The following MYCBPAP variants were observed in gnomAD, a reference collection of about 807,000 sequenced individuals.
MYCBPAP encodes the protein MYCBP associated protein, also known as MYCBP-associated protein.
A neutral mutation model predicts 106.1 loss-of-function variants in MYCBPAP; 60 were observed. The observed-to-expected ratio is 0.57, with a 90% CI of 0.46 to 0.70. MYCBPAP has a LOEUF of 0.70. MYCBPAP is among the 30% of genes least tolerant of loss of function. The pLI is 0.00. For synonymous variants in MYCBPAP, 407 were observed against 440.6 expected, an observed-to-expected ratio of 0.92 and a Z score of 0.95; for missense variants, 1,064 against 1,169.3, an observed-to-expected ratio of 0.91 and a Z score of 1.31.
At position 50,522,035 on chromosome 17, in the gene MYCBPAP, G is replaced by T. The variant is rs920841730; in HGVS notation, c.1211G>T (p.Cys404Phe). Reference sequence around the variant, plus strand: ...ATTCTCGGCCCTTCTCTGCTGTTCTGTGGGAAGCCAGCTTGCTGGATCAGA... The same window carrying T: ...ATTCTCGGCCCTTCTCTGCTGTTCTTTGGGAAGCCAGCTTGCTGGATCAGA... ...MPILGPSLLF[C>F]GKPACWIRGS... The change falls in exon 10 of 19, where the codon TGT becomes TTT. Residue 404 changes from cysteine (C) to phenylalanine (F), a missense_variant. By Grantham distance (205) the Cys-to-Phe change is radical. Transcript: ENST00000323776. 2 of 1,613,934 alleles carry T rather than the reference G, an allele frequency of 1.2e-6. No individual in the cohort carries two copies. The highest frequency in any genetic ancestry group is 1.7e-6 in the Non-Finnish European group (2 of 1,179,946).
chr17:50,521,848 A>T (rs2034271147), intron 9 of MYCBPAP, 125 bp from the exon 10 acceptor site: 2 of 784,520 alleles, frequency 2.5e-6, no homozygotes, highest in Middle Eastern at 3.2e-4. Context: ...AGTGGAGTTG[A>T]TCATACTCCA....
At chr17:50,508,197 G>A (rs2033683612), upstream of MYCBPAP, 1 of 253,088 alleles carries the variant, frequency 4.0e-6, no homozygotes, top group Non-Finnish European at 7.5e-6. Flanking sequence ...ACAGGATGTG[G>A]CCTTAGTCGA....
In MYCBPAP at chr17:50,517,670, G is replaced by A; in HGVS notation, c.440G>A (p.Arg147Lys). Reference protein sequence around the residue: ...HILGSLQDFKRIALARGNTQL... With the variant: ...HILGSLQDFKKIALARGNTQL... ...TTGGGGAGTCTCCAGGATTTTAAGA[G>A]AATTGCACTTGCTCGAGGGAACACC... Residue 147 changes from arginine (R) to lysine (K), a missense_variant, in exon 4 of 19, where the codon AGA becomes AAA. Coordinates refer to ENST00000323776, the MANE Select transcript of MYCBPAP (RefSeq NM_032133.6). 1 of 1,614,192 alleles carries A rather than the reference G, an allele frequency of 6.2e-7. No individual in the cohort carries two copies. The highest frequency in any genetic ancestry group is 1.1e-5 in the South Asian group (1 of 91,086).
At chr17:50,530,886 T>C (rs1462524782) in intron 18 of MYCBPAP, among the ~76,000 whole-genome samples, 1 of 148,492 alleles carries the variant, frequency 6.7e-6, no homozygotes, top group Non-Finnish European at 1.5e-5. Context: ...CAGGGCCACC[T>C]CCCCAGACTG....
chr17:50,523,505 C>T, intron 11 of MYCBPAP, 92 bp from the exon 12 acceptor site: 1 of 1,364,634 alleles, frequency 7.3e-7, no homozygotes, highest in Non-Finnish European at 1.0e-6. Context: ...GCCACCTGGC[C>T]TGGGACTCAG....
chr17:50,511,551 A>G lies in MYCBPAP; in HGVS notation c.76+2801A>G, dbSNP rs556740726. ...TAGAGTCCGGGTTTCTTCTCCCTCC[A>G]TAGTTTCCCCGCTCCGTATCTCGCT... On this transcript the variant is annotated intron_variant, in intron 1 of 18. Transcript: ENST00000323776. 1.8e-4 allele frequency among the ~76,000 whole-genome samples: 27 copies of G among 152,336 alleles called. No homozygotes were observed. The East Asian group carries it at 1.9e-3, about 11-fold the overall frequency.
At chr17:50,530,802 C>T (rs944660095) in intron 18 of MYCBPAP, among the ~76,000 whole-genome samples, 5 of 152,018 alleles carry the variant, frequency 3.3e-5, no homozygotes, top group African/African-American at 4.8e-5. Context: ...AAATGGGCAC[C>T]GCTCCATGGG....
Position 50,517,450 on chromosome 17 carries a change from C to G in MYCBPAP, c.362C>G (p.Ser121Cys). The change falls in exon 3 of 19, where the codon TCC becomes TGC. Residue 121 changes from serine (S) to cysteine (C), a missense_variant and splice_region_variant. Coordinates refer to ENST00000323776, the MANE Select transcript of MYCBPAP (RefSeq NM_032133.6). ...GAAGCCACAAAGCCTCTGGACTACTCCGGTACACCCAGTCTCAGCCCTGGC... is the reference window on the plus strand; with the variant it reads ...GAAGCCACAAAGCCTCTGGACTACTGCGGTACACCCAGTCTCAGCCCTGGC... The part of the protein sequence containing the change: ...PDEATKPLDY[S>C]GPGDSFDGSD... The G allele has an allele frequency of 1.9e-6, 3 of 1,614,174 alleles. No individual in the cohort carries two copies. In the South Asian group the frequency reaches 3.3e-5, roughly 18 times the overall value.
chr17:50,522,709 A>AAAATATATATATATATATATATATAT, intron 10 of MYCBPAP: 1 of 50,042 alleles, frequency 2.0e-5, no homozygotes, highest in Non-Finnish European at 3.4e-5. Flanking sequence ...AAAAAAAAAA[A>AAAATATATATATATATATATATATAT]ATATATATAT....
At position 50,528,712 on chromosome 17, in the gene MYCBPAP, A is replaced by G. The variant is rs1300035209; in HGVS notation, c.2425A>G (p.Ile809Val). The change falls in exon 17 of 19, where the codon ATC becomes GTC. Residue 809 changes from isoleucine (I) to valine (V), a missense_variant. Transcript: ENST00000323776. ...TCCCTTAGATCAAAAATCACCTCCT[A>G]TCATGGAAGTGAAGGTACCTGTGGG... is the stretch of plus-strand genomic sequence containing the variant. Reference protein sequence around the residue: ...PEEQDQKSPPIMEVKVPVGKA... With the variant: ...PEEQDQKSPPVMEVKVPVGKA... The G allele has an allele frequency of 6.2e-7, 1 of 1,613,856 alleles. No individual in the cohort carries two copies. The highest frequency in any genetic ancestry group is 1.7e-5 in the Admixed American group (1 of 59,970).
intron 1 of MYCBPAP, among the ~76,000 whole-genome samples, chr17:50,514,584 G>A (rs1386554544): frequency 1.3e-5 from 2 of 152,114 alleles, no homozygotes; most frequent in Non-Finnish European, 2.9e-5. Flanking sequence ...CTTCTGCCCC[G>A]GGTGTTGTCA....
intron 4 of MYCBPAP, among the ~76,000 whole-genome samples, chr17:50,517,966 C>A (rs1448096782): frequency 1.3e-5 from 2 of 152,206 alleles, no homozygotes; most frequent in African/African-American, 4.8e-5. Context: ...GTAGACTGCA[C>A]CCAAAAAGGC....
upstream of MYCBPAP, chr17:50,508,337 A>C: frequency 4.3e-6 from 2 of 464,728 alleles, no homozygotes; most frequent in Non-Finnish European, 7.5e-6. Flanking sequence ...CGGCTCCCGC[A>C]ACTCGCGGGG....
Position 50,523,050 on chromosome 17 carries a change from C to T in MYCBPAP, c.1369C>T (p.Arg457Ter), listed in dbSNP as rs769309226. The change falls in exon 11 of 19, where the codon CGA (arginine) becomes TGA (stop). Residue 457 changes from arginine (R) to a stop codon, truncating the protein, a stop_gained. Transcript: ENST00000323776. LOFTEE classifies it high-confidence loss of function. The part of the protein sequence containing the change: ...NGTVAIWYDW[R>*]RQHQPDTFQD... ...CACCGTGGCCATTTGGTATGACTGG[C>T]GACGGCAGCACCAGCCGGACACTTT... 1.9e-5 allele frequency: 31 copies of T among 1,613,898 alleles called. No individual in the cohort carries two copies. The highest frequency in any genetic ancestry group is 2.7e-5 in the African/African-American group (2 of 74,850).
chr17:50,529,388 T>C, intron 18 of MYCBPAP, 200 bp downstream of exon 18: 2 of 554,098 alleles, frequency 3.6e-6, no homozygotes, highest in Non-Finnish European at 6.4e-6. Context: ...GGAGAGAAGA[T>C]AGACCAGGCA....
At chr17:50,520,506 A>AAAATAAAT (rs71146993) in intron 7 of MYCBPAP, among the ~76,000 whole-genome samples, 53 of 151,178 alleles carry the variant, frequency 3.5e-4, no homozygotes, top group African/African-American at 1.2e-3. Context: ...ACTCTGTCTT[A>AAAATAAAT]AAATAAATAA....
At position 50,521,109 on chromosome 17, in the gene MYCBPAP, G is replaced by A; in HGVS notation, c.917-1G>A. 1 of 1,610,306 alleles carries A rather than the reference G, an allele frequency of 6.2e-7. No homozygotes were observed. The highest frequency in any genetic ancestry group is 1.1e-5 in the South Asian group (1 of 90,214). On this transcript the variant is annotated splice_acceptor_variant, in intron 7 of 18. Transcript: ENST00000323776. LOFTEE classifies it high-confidence loss of function. ...CTGAGGGTCCTTGGACCTCATGCTA[G>A]GATTACCAGCCCAGAGGGACGCTTC...
At chr17:50,526,343 C>T (rs1365559694) in intron 14 of MYCBPAP, 76 bp downstream of exon 14, 29 of 1,467,470 alleles carry the variant, frequency 2.0e-5, no homozygotes, top group Non-Finnish European at 2.5e-5. Context: ...CCAGCAGCCC[C>T]TCTTGCTCTA....
chr17:50,514,661 GT>G (rs904228625), intron 1 of MYCBPAP, among the ~76,000 whole-genome samples: 19 of 148,076 alleles, frequency 1.3e-4, no homozygotes, highest in East Asian at 3.9e-4. Context: ...AGTCATGCAG[GT>G]TTTTTTTTTT....
Sources: gnomAD v4.1 joint callset for allele counts (sites outside exome capture counted in the v4.1 genomes callset) on GRCh38, gnomAD v4.1.1 for gene constraint, MANE v1.5 for transcripts, NCBI Gene and HGNC (gene_info 2026-07-23, HGNC 2026-07-21) for gene names.